Variants in USP25 observed in about 807,000 individuals in gnomAD.
The protein encoded by USP25 is ubiquitin specific peptidase 25, also known as ubiquitin carboxyl-terminal hydrolase 25.
USP25 carries 85 observed loss-of-function variants against 158.5 expected under a neutral mutation model. The ratio of observed to expected loss-of-function variants is 0.54; its 90% CI spans 0.45 to 0.64. The LOEUF (loss-of-function observed/expected upper bound fraction) is 0.64, where lower values mean the gene tolerates loss of function less well. Ranked by LOEUF, USP25 falls within the 30% of genes least tolerant of loss-of-function variation. The probability of loss-of-function intolerance (pLI) is 0.00; values close to 1 mark genes in which losing one functional copy is unlikely to be tolerated. For synonymous variants in USP25, 464 were observed against 460.4 expected, an observed-to-expected ratio of 1.01 and a Z score of -0.10; for missense variants, 1,242 against 1,327.3, an observed-to-expected ratio of 0.94 and a Z score of 1.00.
chr21:15,846,291 T>C (rs1238164688), intron 18 of USP25, among the ~76,000 whole-genome samples: 1 of 148,572 alleles, frequency 6.7e-6, no homozygotes, highest in Admixed American at 6.8e-5. Flanking sequence ...GCTTCCCAAG[T>C]AGCTGGGATT....
intron 1 of USP25, among the ~76,000 whole-genome samples, chr21:15,757,294 A>C (rs139549845): frequency 6.6e-6 from 1 of 152,120 alleles, no homozygotes; most frequent in East Asian, 1.9e-4. Context: ...TAGCTAAGAA[A>C]ATTCTTTCAC....
chr21:15,776,739 T>C (rs1315906141), intron 3 of USP25, among the ~76,000 whole-genome samples: 2 of 152,010 alleles, frequency 1.3e-5, no homozygotes, highest in African/African-American at 4.8e-5. Context: ...ACTCTGGAGG[T>C]TGGGGCGGGA....
In USP25 at chr21:15,870,152, G is replaced by A. The variant is rs1568914550; in HGVS notation, c.2885+5G>A. 1 of 1,598,646 alleles carries A rather than the reference G, an allele frequency of 6.3e-7. No homozygotes were observed. Among genetic ancestry groups the A allele is most frequent in the Non-Finnish European group, 8.5e-7 (1 of 1,171,320 alleles). ...AGAAAATTTTCAAAGAGAAAGGTAA[G>A]GCAAAGTGGACAAATATGAAAAGAG... On this transcript the variant is annotated splice_donor_5th_base_variant and intron_variant, in intron 23 of 25. Coordinates refer to ENST00000400183, the MANE Select transcript of USP25 (RefSeq NM_001283041.3).
At chr21:15,872,283 C>T (rs971987330) in intron 23 of USP25, among the ~76,000 whole-genome samples, 1 of 152,030 alleles carries the variant, frequency 6.6e-6, no homozygotes, top group African/African-American at 2.4e-5. Flanking sequence ...GGTAATTGGA[C>T]TGCTAAATCT....
chr21:15,760,994 G>C (rs2033689675), intron 1 of USP25, among the ~76,000 whole-genome samples: 1 of 152,056 alleles, frequency 6.6e-6, no homozygotes, highest in Non-Finnish European at 1.5e-5. Context: ...TTCCCCCTTT[G>C]GCTCACATGC....
chr21:15,834,091 C>T (rs1428798052), intron 17 of USP25, among the ~76,000 whole-genome samples: 3 of 152,052 alleles, frequency 2.0e-5, no homozygotes, highest in Admixed American at 2.0e-4. Flanking sequence ...TAGTATATCA[C>T]AGGTAAAAAG....
Position 15,748,643 on chromosome 21 carries a change from A to G in USP25, c.46-14248A>G, listed in dbSNP as rs79091917. Among the ~76,000 whole-genome samples, 1,043 of 152,180 alleles carry G rather than the reference A, an allele frequency of 6.9e-3. 8 individuals carry two copies. Among genetic ancestry groups the G allele is most frequent in the African/African-American group, 0.024 (1,000 of 41,502 alleles). ...TATGGTTTTACTGAAACTTGTTTAA[A>G]TATAAACTAGGCATACATTTATTAT... On this transcript the variant is annotated intron_variant, in intron 1 of 25. Coordinates refer to ENST00000400183, the MANE Select transcript of USP25 (RefSeq NM_001283041.3).
chr21:15,811,743 T>A (rs1200157215), intron 9 of USP25, among the ~76,000 whole-genome samples: 2 of 152,228 alleles, frequency 1.3e-5, no homozygotes, highest in Middle Eastern at 3.2e-3. Flanking sequence ...ACCTGTTTCT[T>A]AAAATTTGGC....
In USP25 at chr21:15,831,411, G is replaced by A. The variant is rs1420576066; in HGVS notation, c.1775G>A (p.Arg592Gln). 9.3e-6 allele frequency: 15 copies of A among 1,613,544 alleles called. No individual in the cohort carries two copies. Among genetic ancestry groups the A allele is most frequent in the Admixed American group, 3.3e-5 (2 of 59,978 alleles). ...TTTTTTCACATTTAGGTTCCTTATC[G>A]ATTACATGCCGTTTTAGTTCACGAA... ...SDKSMIQVPY[R>Q]LHAVLVHEGQ... Residue 592 changes from arginine (R) to glutamine (Q), a missense_variant, in exon 16 of 26, where the codon CGA becomes CAA. Physicochemically the swap from Arg to Gln is conservative, Grantham distance 43 (BLOSUM62 1). Coordinates refer to ENST00000400183, the MANE Select transcript of USP25 (RefSeq NM_001283041.3).
intron 4 of USP25, among the ~76,000 whole-genome samples, chr21:15,788,178 T>C (rs762400521): frequency 6.1e-4 from 92 of 151,932 alleles, no homozygotes; most frequent in Non-Finnish European, 1.2e-3. Flanking sequence ...CTTTTTTTTT[T>C]CTCCTCTACC....
chr21:15,831,300 T>A (rs2037787626), intron 15 of USP25, 101 bp from the exon 16 acceptor site: 1 of 1,081,586 alleles, frequency 9.2e-7, no homozygotes, highest in African/African-American at 1.6e-5. Flanking sequence ...AAAAAAATGC[T>A]CTTATGGTTT....
At chr21:15,775,008 C>A (rs2034556639) in intron 3 of USP25, among the ~76,000 whole-genome samples, 2 of 152,134 alleles carry the variant, frequency 1.3e-5, no homozygotes, top group South Asian at 4.1e-4. Flanking sequence ...CCCCAAGGAT[C>A]AATGGACCAT....
At chr21:15,791,076 G>A (rs1008475519) in intron 4 of USP25, among the ~76,000 whole-genome samples, 6 of 151,612 alleles carry the variant, frequency 4.0e-5, no homozygotes, top group African/African-American at 9.7e-5. Flanking sequence ...CTAAGTGGTC[G>A]GTGATAAAAG....
chr21:15,737,712 T>G (rs933606736), intron 1 of USP25, among the ~76,000 whole-genome samples: 5 of 152,176 alleles, frequency 3.3e-5, no homozygotes, highest in African/African-American at 1.2e-4. Context: ...ATACTCTTTT[T>G]CATCTGTGCT....
chr21:15,733,855 A>C (rs1196539250), intron 1 of USP25, among the ~76,000 whole-genome samples: 1 of 152,112 alleles, frequency 6.6e-6, no homozygotes, highest in Admixed American at 6.6e-5. Context: ...AAAACAAAAA[A>C]CCAAAACAAA....
At chr21:15,782,925 G>A (rs1475491525) in intron 4 of USP25, among the ~76,000 whole-genome samples, 1 of 152,130 alleles carries the variant, frequency 6.6e-6, no homozygotes, top group East Asian at 1.9e-4. Context: ...GAATATTTAT[G>A]AAATGCATGA....
chr21:15,775,688 T>G (rs1389216100), intron 3 of USP25, among the ~76,000 whole-genome samples: 1 of 150,450 alleles, frequency 6.6e-6, no homozygotes, highest in Non-Finnish European at 1.5e-5. Flanking sequence ...AACTTAAATC[T>G]TTTCAATCAA....
At chr21:15,786,000 A>C (rs2035250566) in intron 4 of USP25, among the ~76,000 whole-genome samples, 1 of 152,092 alleles carries the variant, frequency 6.6e-6, no homozygotes, top group Non-Finnish European at 1.5e-5. Context: ...GGAGGATCAC[A>C]AGAGACTATT....
chr21:15,759,565 T>C (rs2033604472), intron 1 of USP25, among the ~76,000 whole-genome samples: 1 of 152,224 alleles, frequency 6.6e-6, no homozygotes, highest in African/African-American at 2.4e-5. Flanking sequence ...TATATTCTGA[T>C]TGGCAATTGG....
Sources: allele counts gnomAD v4.1 joint callset (sites outside exome capture counted in the v4.1 genomes callset), GRCh38; gene constraint gnomAD v4.1.1; transcripts MANE v1.5; gene names NCBI Gene and HGNC (gene_info 2026-07-23, HGNC 2026-07-21).